The following ZPBP variants were observed in gnomAD, a reference collection of about 807,000 sequenced individuals.
The protein encoded by ZPBP is zona pellucida binding protein.
Under a neutral mutation model 44.8 loss-of-function variants are expected in ZPBP, and 26 were observed. That is an observed-to-expected ratio of 0.58 (90% CI 0.43 to 0.81). ZPBP has a LOEUF of 0.81. ZPBP is among the 30% of genes least tolerant of loss of function. ZPBP has a pLI of 0.00. For missense variants in ZPBP, 409 were observed against 434.0 expected, an observed-to-expected ratio of 0.94 and a Z score of 0.51; for synonymous variants, 174 against 153.2, an observed-to-expected ratio of 1.14 and a Z score of -1.00.
At chr7:49,986,129 G>T (rs1469057663) in intron 6 of ZPBP, among the ~76,000 whole-genome samples, 3 of 152,174 alleles carry the variant, frequency 2.0e-5, no homozygotes, top group African/African-American at 2.4e-5. Context: ...CCCATGTGGG[G>T]ACATGAAGAA....
intron 2 of ZPBP, among the ~76,000 whole-genome samples, chr7:49,859,471 G>A (rs1441817129): frequency 6.6e-6 from 1 of 152,110 alleles, no homozygotes; most frequent in Non-Finnish European, 1.5e-5. Context: ...GTGTTGTGAG[G>A]TGGGAAATCT....
intron 2 of ZPBP, among the ~76,000 whole-genome samples, chr7:49,886,092 C>T (rs547658269): frequency 3.5e-4 from 54 of 152,288 alleles, no homozygotes; most frequent in African/African-American, 1.2e-3. Context: ...AGACTGGAGG[C>T]GTCACCAGGT....
At chr7:50,026,879 C>T (rs1799361001) in intron 5 of ZPBP, among the ~76,000 whole-genome samples, 1 of 151,976 alleles carries the variant, frequency 6.6e-6, no homozygotes, top group Non-Finnish European at 1.5e-5. Flanking sequence ...ATACTCCTTC[C>T]TGAAAGGCAA....
chr7:50,086,953 C>T (rs963536991), intron 2 of ZPBP, among the ~76,000 whole-genome samples: 7 of 151,972 alleles, frequency 4.6e-5, no homozygotes, highest in Admixed American at 1.3e-4. Flanking sequence ...AGAGAAGCAA[C>T]TTATCCCACA....
At chr7:49,918,425 A>C (rs564968057) in intron 1 of ZPBP, 23 of 152,338 alleles carry the variant, frequency 1.5e-4, no homozygotes, top group African/African-American at 5.1e-4. Context: ...TAGAATATCA[A>C]TCTTGATACT....
At chr7:50,001,554 G>T (rs1415295593) in intron 6 of ZPBP, among the ~76,000 whole-genome samples, 1 of 152,144 alleles carries the variant, frequency 6.6e-6, no homozygotes, top group South Asian at 2.1e-4. Flanking sequence ...GGCCAAGAAT[G>T]AGTAACAGGG....
Position 50,081,350 on chromosome 7 carries a change from G to C in ZPBP, c.334+424C>G, listed in dbSNP as rs1409380936. Among the ~76,000 whole-genome samples, 9 of 151,682 alleles carry C rather than the reference G, an allele frequency of 5.9e-5. No homozygotes were observed. In the East Asian group the frequency reaches 1.7e-3, roughly 29 times the overall value. On this transcript the variant is annotated intron_variant, in intron 3 of 7. Coordinates refer to ENST00000046087, the MANE Select transcript of ZPBP (RefSeq NM_007009.3). ...CAAGGCAAGAAACAAAGCCAGCTAA[G>C]TTAACTGTAGTTTTTTAAAACTACA...
rs576905213 is a variant in ZPBP at position 50,042,938 on chromosome 7, A to C, written c.488-11628T>G. On this transcript the variant is annotated intron_variant, in intron 4 of 7. Transcript: ENST00000046087. The stretch of plus-strand genomic sequence containing the variant: ...CCAAATCTGGTCATAAACTGGCCCC[A>C]AAACTGGCCATAAACAAAATCTCTG... Among the ~76,000 whole-genome samples the C allele has an allele frequency of 1.9e-4, 29 of 152,330 alleles. No homozygotes were observed. The South Asian group carries it at 5.4e-3, about 28-fold the overall frequency.
At chr7:49,960,047 T>C (rs1369819386) in intron 7 of ZPBP, among the ~76,000 whole-genome samples, 1 of 152,180 alleles carries the variant, frequency 6.6e-6, no homozygotes, top group Non-Finnish European at 1.5e-5. Flanking sequence ...AAAATGATCA[T>C]CAACCTTTTT....
chr7:50,034,747 T>C (rs1001065507), intron 4 of ZPBP, among the ~76,000 whole-genome samples: 4 of 152,194 alleles, frequency 2.6e-5, no homozygotes, highest in Non-Finnish European at 1.5e-5. Context: ...TTCAATAAGA[T>C]ATGGAATCCA....
At chr7:49,881,508 T>G (rs2128727257) in intron 2 of ZPBP, among the ~76,000 whole-genome samples, 1 of 152,306 alleles carries the variant, frequency 6.6e-6, no homozygotes, top group Admixed American at 6.5e-5. Flanking sequence ...CTCTTTTGAC[T>G]GTGGCCTTAC....
intron 2 of ZPBP, among the ~76,000 whole-genome samples, chr7:49,888,610 G>A (rs1196079247): frequency 2.0e-5 from 3 of 152,106 alleles, no homozygotes; most frequent in Non-Finnish European, 2.9e-5. Context: ...GCCCAAGGGT[G>A]TTTATGAAGT....
intron 1 of ZPBP, among the ~76,000 whole-genome samples, chr7:49,926,425 A>G (rs1794235503): frequency 1.3e-5 from 2 of 152,196 alleles, no homozygotes; most frequent in African/African-American, 4.8e-5. Context: ...AAAGTCTTCA[A>G]TCTTGTTAAA....
intron 7 of ZPBP, among the ~76,000 whole-genome samples, chr7:49,981,345 A>T (rs538877745): frequency 0.58 from 20,327 of 35,296 alleles, 5,472 homozygotes; most frequent in East Asian, 0.73. Context: ...TATATATATT[A>T]TATAATATAT....
intron 7 of ZPBP, among the ~76,000 whole-genome samples, chr7:49,982,915 A>G (rs1797093902): frequency 1.3e-5 from 2 of 152,172 alleles, no homozygotes; most frequent in African/African-American, 4.8e-5. Flanking sequence ...ACCAAAAGTT[A>G]GAAAAAACAA....
At chr7:49,851,196 C>A (rs1248137065) in intron 2 of ZPBP, among the ~76,000 whole-genome samples, 1 of 152,222 alleles carries the variant, frequency 6.6e-6, no homozygotes, top group Admixed American at 6.5e-5. Context: ...TGGTCTTCTT[C>A]TCTGTGCCCG....
chr7:49,861,074 G>A (rs965165258), intron 2 of ZPBP, among the ~76,000 whole-genome samples: 2 of 152,182 alleles, frequency 1.3e-5, no homozygotes, highest in African/African-American at 4.8e-5. Context: ...CCTTTATCAT[G>A]GTGTCTGCAC....
intron 3 of ZPBP, among the ~76,000 whole-genome samples, chr7:50,066,100 G>A (rs1171891229): frequency 6.6e-6 from 1 of 150,802 alleles, no homozygotes; most frequent in Non-Finnish European, 1.5e-5. Context: ...AGATGTTTAG[G>A]GCTGCTGCTG....
chr7:50,023,170 G>A (rs1799170104), intron 5 of ZPBP, among the ~76,000 whole-genome samples: 1 of 151,988 alleles, frequency 6.6e-6, no homozygotes, highest in South Asian at 2.1e-4. Context: ...TGGCGGAAGG[G>A]AAATACCAAA....
Sources: allele counts gnomAD v4.1 joint callset (sites outside exome capture counted in the v4.1 genomes callset), GRCh38; gene constraint gnomAD v4.1.1; transcripts MANE v1.5; gene names NCBI Gene and HGNC (gene_info 2026-07-23, HGNC 2026-07-21).